Variants in HECTD4 observed in about 807,000 individuals in gnomAD.
HECTD4 encodes the protein probable E3 ubiquitin-protein ligase HECTD4.
A neutral mutation model predicts 471.5 loss-of-function variants in HECTD4; 114 were observed. The observed-to-expected ratio is 0.24, with a 90% CI of 0.21 to 0.28. HECTD4 has a LOEUF of 0.28. Ranked by LOEUF, HECTD4 falls within the 10% of genes least tolerant of loss-of-function variation. The pLI is 1.00. For synonymous variants in HECTD4, 2,012 were observed against 2,256.0 expected (o/e 0.89, Z 3.07); for missense variants, 3,866 against 5,651.5 (o/e 0.68, Z 10.13).
Position 112,251,087 on chromosome 12 carries a change from C to A in HECTD4, c.3600G>T (p.Leu1200=). The A allele has an allele frequency of 6.2e-7, 1 of 1,613,884 alleles. No homozygotes were observed. Among genetic ancestry groups the A allele is most frequent in the Admixed American group, 1.7e-5 (1 of 59,998 alleles). ...AAGCTAACACAGACAGACCTAAAGC[C>A]AGGTCTACCAGAAAGGGCAAGCCTC... ...VSGGLPFLVD[L]ALGLSVLACS... Residue 1200 remains leucine (L), a synonymous_variant, in exon 24 of 76, where the codon CTG becomes CTT. Transcript: ENST00000682272.
Position 112,319,014 on chromosome 12 carries a change from A to C in HECTD4, c.695+211T>G, listed in dbSNP as rs2035538746. 6.6e-6 allele frequency among the ~76,000 whole-genome samples: 1 copy of C among 152,236 alleles called. No individual in the cohort carries two copies. The highest frequency in any genetic ancestry group is 2.4e-5 in the African/African-American group (1 of 41,450). ...TATCATGGTATACCAGAAACAGAAA[A>C]CATGAACTTTGGTTCCAACTCAGGC... On this transcript the variant is annotated intron_variant, in intron 2 of 75. Coordinates refer to ENST00000682272, the MANE Select transcript of HECTD4 (RefSeq NM_001388303.1). This position sits in a 1 kb window ranked among gnomAD's most constrained non-coding sequence, Gnocchi z 5.3.
chr12:112,281,677 T>C (rs897745109), intron 8 of HECTD4, among the ~76,000 whole-genome samples: 3 of 152,218 alleles, frequency 2.0e-5, no homozygotes, highest in Non-Finnish European at 4.4e-5. Context: ...GAAAATAAAA[T>C]ACTGTCCTTA....
At chr12:112,368,026 T>A (rs1026582910) in intron 1 of HECTD4, among the ~76,000 whole-genome samples, 4 of 152,134 alleles carry the variant, frequency 2.6e-5, no homozygotes, top group Admixed American at 2.6e-4. Context: ...TAATATTTTG[T>A]TAGTATAAAA....
intron 1 of HECTD4, among the ~76,000 whole-genome samples, chr12:112,329,835 C>G (rs1302471966): frequency 2.0e-5 from 3 of 152,152 alleles, no homozygotes; most frequent in African/African-American, 4.8e-5. Context: ...AGGTTGGGTA[C>G]AGTGGCTCAC....
At chr12:112,355,331 G>A (rs1489373645) in intron 1 of HECTD4, among the ~76,000 whole-genome samples, 3 of 142,420 alleles carry the variant, frequency 2.1e-5, no homozygotes, top group Non-Finnish European at 3.0e-5. Flanking sequence ...CACGGTGGCC[G>A]ACACCTGTAA....
intron 8 of HECTD4, among the ~76,000 whole-genome samples, chr12:112,280,951 C>T (rs190357538): frequency 7.4e-4 from 112 of 151,834 alleles, no homozygotes; most frequent in Admixed American, 1.6e-3. Context: ...CCATCACACC[C>T]GGCTAATTTT....
At chr12:112,253,024 C>G (rs867377709) in intron 22 of HECTD4, among the ~76,000 whole-genome samples, 1 of 151,938 alleles carries the variant, frequency 6.6e-6, no homozygotes, top group South Asian at 2.1e-4. Flanking sequence ...ATGTTGCCCA[C>G]GCTGGTCTCA....
At chr12:112,376,481 C>T (rs567311508) in intron 1 of HECTD4, among the ~76,000 whole-genome samples, 5 of 152,208 alleles carry the variant, frequency 3.3e-5, no homozygotes, top group East Asian at 3.9e-4. Flanking sequence ...CTCCTGACCT[C>T]GTGATCTGCC....
At position 112,208,520 on chromosome 12, in the gene HECTD4, C is replaced by A; in HGVS notation, c.7978G>T (p.Asp2660Tyr). The A allele has an allele frequency of 6.2e-7, 1 of 1,601,212 alleles. No individual in the cohort carries two copies. The highest frequency in any genetic ancestry group is 8.5e-7 in the Non-Finnish European group (1 of 1,175,460). ...PPPIADDESD[D>Y]DDDDDIPQED... ...TGAGGGATGTCATCATCGTCATCATCATCGCTTTCATCATCTGCAATGGGA... is the reference window on the plus strand; with the variant it reads ...TGAGGGATGTCATCATCGTCATCATAATCGCTTTCATCATCTGCAATGGGA... Residue 2660 changes from aspartate to tyrosine, a missense_variant, in exon 51 of 76, where the codon GAT (aspartate) becomes TAT (tyrosine). This residue lies in a region of HECTD4 where 266 missense variants were observed against 441.6 expected (regional missense o/e 0.60). Coordinates refer to ENST00000682272, the MANE Select transcript of HECTD4 (RefSeq NM_001388303.1).
rs754564804 is a variant in HECTD4, at chr12:112,162,508, C to T, written c.13136G>A (p.Arg4379His). 1.9e-6 allele frequency: 3 copies of T among 1,613,976 alleles called. No individual in the cohort carries two copies. The highest frequency in any genetic ancestry group is 1.7e-6 in the Non-Finnish European group (2 of 1,179,874). Reference sequence around the variant, plus strand: ...CATGCAGGTCTCCACGCGGATGTAGCGAGAGTCTGGGGAACCTACAAGAAA... The same window carrying T: ...CATGCAGGTCTCCACGCGGATGTAGTGAGAGTCTGGGGAACCTACAAGAAA... Reference protein sequence around the residue: ...PDGTAGSPDSRYIRVETCMFM... With the variant: ...PDGTAGSPDSHYIRVETCMFM... Residue 4379 changes from arginine to histidine, a missense_variant, in exon 76 of 76, where the codon CGC becomes CAC. By Grantham distance (29) the Arg-to-His change is conservative (BLOSUM62 0). Coordinates refer to ENST00000682272, the MANE Select transcript of HECTD4 (RefSeq NM_001388303.1). The surrounding 1 kb of genome is among the most constrained non-coding windows in gnomAD (Gnocchi z 5.2).
intron 55 of HECTD4, among the ~76,000 whole-genome samples, chr12:112,199,024 G>A (rs1036746045): frequency 1.3e-5 from 2 of 152,178 alleles, no homozygotes; most frequent in African/African-American, 4.8e-5. Flanking sequence ...AGCCATGCCT[G>A]TGGAGTATTC....
chr12:112,195,087 G>T (rs1317890670), intron 55 of HECTD4, 21 bp from the exon 56 acceptor site: 1 of 1,573,478 alleles, frequency 6.4e-7, no homozygotes, highest in South Asian at 1.2e-5. Context: ...AAAGGTGGGT[G>T]AGATACTCAA....
chr12:112,350,869 C>T (rs1566120906), intron 1 of HECTD4, among the ~76,000 whole-genome samples: 1 of 152,182 alleles, frequency 6.6e-6, no homozygotes, highest in Non-Finnish European at 1.5e-5. Context: ...TAGGTCAACT[C>T]TTTGGCTAAT....
At chr12:112,265,339 T>C in intron 15 of HECTD4, 44 bp from the exon 16 acceptor site, 1 of 1,313,876 alleles carries the variant, frequency 7.6e-7, no homozygotes, top group Non-Finnish European at 1.1e-6. Context: ...ATTGATGGTT[T>C]ATTCATAAAA....
At chr12:112,230,253 T>G (rs1435897445) in intron 40 of HECTD4, among the ~76,000 whole-genome samples, 1 of 152,192 alleles carries the variant, frequency 6.6e-6, no homozygotes, top group Non-Finnish European at 1.5e-5. Flanking sequence ...TGCTTACAGA[T>G]CCGTAGTTTC....
At chr12:112,270,130 C>G in intron 12 of HECTD4, 97 bp downstream of exon 12, 1 of 1,047,452 alleles carries the variant, frequency 9.5e-7, no homozygotes, top group Non-Finnish European at 1.4e-6. Flanking sequence ...ACAGGAAAAT[C>G]ATTAAATTTT....
intron 25 of HECTD4, chr12:112,249,752 GAAAGT>G (rs1248471815): frequency 4.3e-6 from 1 of 232,018 alleles, no homozygotes; most frequent in Non-Finnish European, 8.5e-6. Flanking sequence ...CTAGACTCTG[GAAAGT>G]AAAGTAGAGG....
chr12:112,378,434 C>T (rs1299974665), intron 1 of HECTD4, among the ~76,000 whole-genome samples: 6 of 151,698 alleles, frequency 4.0e-5, no homozygotes, highest in Non-Finnish European at 7.4e-5. Flanking sequence ...CTGTGTTAGC[C>T]AGGATGGTCT....
chr12:112,209,827 C>T (rs2032708696), intron 50 of HECTD4, among the ~76,000 whole-genome samples, 188 bp downstream of exon 50: 1 of 152,226 alleles, frequency 6.6e-6, no homozygotes, highest in Admixed American at 6.5e-5. Flanking sequence ...GATGAACTTT[C>T]TGGTCTGCTG....
Sources: allele counts gnomAD v4.1 joint callset (sites outside exome capture counted in the v4.1 genomes callset), GRCh38; gene constraint gnomAD v4.1.1; regional missense constraint gnomAD v4.1.1; non-coding constraint Gnocchi (gnomAD v3.1); transcripts MANE v1.5; gene names NCBI Gene and HGNC (gene_info 2026-07-23, HGNC 2026-07-21).